The following PGM5 variants were observed in gnomAD, a reference collection of about 807,000 sequenced individuals.
PGM5 encodes phosphoglucomutase 5.
Under a neutral mutation model 59.2 loss-of-function variants are expected in PGM5, and 23 were observed. The observed-to-expected ratio is 0.39, with a 90% CI of 0.28 to 0.55. PGM5 has a LOEUF of 0.55. Among genes scored for constraint, PGM5 ranks in the 20% least tolerant of loss-of-function variants. PGM5 has a pLI of 0.66. For missense variants in PGM5, 574 were observed against 748.3 expected (o/e 0.77, Z 2.72); for synonymous variants, 214 against 286.0 (o/e 0.75, Z 2.54).
chr9:68,409,957 C>T (rs536388483), intron 6 of PGM5, among the ~76,000 whole-genome samples: 22 of 152,068 alleles, frequency 1.4e-4, no homozygotes, highest in Non-Finnish European at 2.4e-4. Context: ...ATTCTCATCA[C>T]TTCTCAGGGC....
intron 10 of PGM5, among the ~76,000 whole-genome samples, chr9:68,507,739 G>GT (rs1248568049): frequency 2.0e-5 from 3 of 152,060 alleles, no homozygotes; most frequent in Non-Finnish European, 2.9e-5. Context: ...AGATGTATAG[G>GT]TTTTTTTCTA....
At chr9:68,513,768 A>C (rs1053595554) in intron 10 of PGM5, among the ~76,000 whole-genome samples, 8 of 152,204 alleles carry the variant, frequency 5.3e-5, no homozygotes, top group African/African-American at 1.9e-4. Flanking sequence ...CAGGACAGTC[A>C]GTGTGGTGTT....
chr9:68,520,575 A>G (rs1824887104), intron 10 of PGM5, among the ~76,000 whole-genome samples: 1 of 152,246 alleles, frequency 6.6e-6, no homozygotes, highest in African/African-American at 2.4e-5. Flanking sequence ...ACGTATAAAA[A>G]TTACCTATAT....
At chr9:68,483,018 G>A (rs61671641) in intron 8 of PGM5, among the ~76,000 whole-genome samples, 1 of 152,182 alleles carries the variant, frequency 6.6e-6, no homozygotes. Flanking sequence ...GTTTCCAAGA[G>A]TTCTATATTG....
intron 1 of PGM5, among the ~76,000 whole-genome samples, chr9:68,360,025 A>T (rs1834547490): frequency 6.6e-6 from 1 of 151,794 alleles, no homozygotes; most frequent in Non-Finnish European, 1.5e-5. Context: ...TTGTGTTTTT[A>T]CTACTCATAG....
intron 1 of PGM5, among the ~76,000 whole-genome samples, chr9:68,376,758 G>A (rs1404769775): frequency 1.4e-5 from 2 of 144,274 alleles, no homozygotes; most frequent in African/African-American, 5.1e-5. Flanking sequence ...GGGCCTTGAG[G>A]TTCTGCATTT....
At chr9:68,413,792 C>T (rs1822976683) in intron 6 of PGM5, among the ~76,000 whole-genome samples, 1 of 152,178 alleles carries the variant, frequency 6.6e-6, no homozygotes, top group Non-Finnish European at 1.5e-5. Flanking sequence ...CATCTCTTAA[C>T]AAAACAACAC....
At chr9:68,463,242 G>T (rs757336681) in intron 6 of PGM5, among the ~76,000 whole-genome samples, 12 of 151,782 alleles carry the variant, frequency 7.9e-5, no homozygotes, top group Non-Finnish European at 1.3e-4. Context: ...TTACTATGCG[G>T]CGTATTTTAT....
intron 6 of PGM5, chr9:68,406,014 T>G (rs1822801378): frequency 6.6e-6 from 1 of 152,170 alleles, no homozygotes; most frequent in African/African-American, 2.4e-5. Flanking sequence ...ACTACCTATA[T>G]TTTGGGGTGG....
At chr9:68,507,705 G>A (rs1359412987) in intron 10 of PGM5, among the ~76,000 whole-genome samples, 7 of 151,956 alleles carry the variant, frequency 4.6e-5, no homozygotes, top group African/African-American at 9.7e-5. Context: ...CTCTTGGGGC[G>A]GAATTAAACT....
chr9:68,477,497 T>A (rs1436153244), intron 7 of PGM5, among the ~76,000 whole-genome samples: 2 of 152,220 alleles, frequency 1.3e-5, no homozygotes, highest in Admixed American at 1.3e-4. Context: ...GTTTTCCATG[T>A]ATGTTTTGTA....
intron 7 of PGM5, among the ~76,000 whole-genome samples, chr9:68,473,732 A>C (rs1263593722): frequency 6.6e-6 from 1 of 152,182 alleles, no homozygotes; most frequent in Non-Finnish European, 1.5e-5. Context: ...AGGACTAAGA[A>C]GTTTCATGAG....
rs1219052458 is a variant in PGM5, at chr9:68,356,647, G to A, written c.-481G>A. On this transcript the variant is annotated 5_prime_UTR_variant, in exon 1 of 11. Transcript: ENST00000396396. ...GAGACAGGGAGACGGGCCGGGCGCCGGAGAGGAACCCGGACTCTGCCCAAA... is the reference window on the plus strand; with the variant it reads ...GAGACAGGGAGACGGGCCGGGCGCCAGAGAGGAACCCGGACTCTGCCCAAA... Among the ~76,000 whole-genome samples the A allele has an allele frequency of 3.9e-5, 6 of 152,266 alleles. No homozygotes were observed. The highest frequency in any genetic ancestry group is 1.4e-4 in the African/African-American group (6 of 41,472).
intron 6 of PGM5, among the ~76,000 whole-genome samples, chr9:68,440,981 T>C (rs1554683657): frequency 1.3e-5 from 2 of 152,034 alleles, no homozygotes; most frequent in African/African-American, 4.8e-5. Flanking sequence ...AATACTACTG[T>C]AGACCCTTTA....
At chr9:68,436,656 T>G (rs2132059966) in intron 6 of PGM5, among the ~76,000 whole-genome samples, 1 of 152,356 alleles carries the variant, frequency 6.6e-6, no homozygotes, top group African/African-American at 2.4e-5. Flanking sequence ...GCCAAGTGTA[T>G]TTGTACCAAC....
At chr9:68,383,827 T>A (rs1176869821) in intron 2 of PGM5, among the ~76,000 whole-genome samples, 1 of 151,686 alleles carries the variant, frequency 6.6e-6, no homozygotes, top group Non-Finnish European at 1.5e-5. Flanking sequence ...TAATACTACT[T>A]GTCAATTTGG....
At position 68,492,246 on chromosome 9, in the gene PGM5, G is replaced by A. The variant is rs952174950; in HGVS notation, c.1480-6981G>A. Among the ~76,000 whole-genome samples, 6 of 152,184 alleles carry A rather than the reference G, an allele frequency of 3.9e-5. 1 individual carries two copies. Among genetic ancestry groups the A allele is most frequent in the Admixed American group, 3.9e-4 (6 of 15,282 alleles). On this transcript the variant is annotated intron_variant, in intron 9 of 10. Transcript: ENST00000396396. The stretch of plus-strand genomic sequence containing the variant: ...AACTGGGGTGGATATTGTGTGAACA[G>A]GGATCAGCAGTCATTGGCCAAAGAA...
At chr9:68,495,630 A>T (rs1824470694) in intron 9 of PGM5, among the ~76,000 whole-genome samples, 1 of 152,206 alleles carries the variant, frequency 6.6e-6, no homozygotes. Flanking sequence ...CTAAAGTGCA[A>T]TTTAATAAAT....
chr9:68,374,673 C>T (rs1181746935), intron 1 of PGM5, among the ~76,000 whole-genome samples: 34 of 150,998 alleles, frequency 2.3e-4, no homozygotes, highest in Non-Finnish European at 7.4e-5. Flanking sequence ...CTCCTCTTTC[C>T]GCTCCTGCCA....
Sources: allele counts gnomAD v4.1 joint callset (sites outside exome capture counted in the v4.1 genomes callset), GRCh38; gene constraint gnomAD v4.1.1; transcripts MANE v1.5; gene names NCBI Gene and HGNC (gene_info 2026-07-23, HGNC 2026-07-21).